TGFBR1: variants seen among roughly 807,000 people sequenced by gnomAD.
TGFBR1 encodes TGF-beta receptor type-1.
Under a neutral mutation model 55.1 loss-of-function variants are expected in TGFBR1, and 20 were observed. The observed-to-expected ratio is 0.36, with a 90% CI of 0.26 to 0.53. The LOEUF (loss-of-function observed/expected upper bound fraction) is 0.53. Among genes scored for constraint, TGFBR1 ranks in the 20% least tolerant of loss-of-function variants. The pLI, the probability that TGFBR1 is intolerant of heterozygous loss-of-function variation, is 0.91. For missense variants in TGFBR1, 385 were observed against 617.6 expected, an observed-to-expected ratio of 0.62 and a Z score of 3.99; for synonymous variants, 220 against 214.8, an observed-to-expected ratio of 1.02 and a Z score of -0.21.
chr9:99,149,852 G>A lies in TGFBR1; in HGVS notation c.*547G>A, dbSNP rs1377147643. ...TAAAAATGACCTCATATAGTAGTGA[G>A]GAACATAATTCATGCAATTGTATTT... On this transcript the variant is annotated 3_prime_UTR_variant, in exon 9 of 9. Coordinates refer to ENST00000374994, the MANE Select transcript of TGFBR1 (RefSeq NM_004612.4). 4.6e-6 allele frequency: 1 copy of A among 217,684 alleles called. No homozygotes were observed. The allele number at this position is 217,684 out of a possible 1,614,324, so 13.5% of individuals were successfully genotyped here. A position where few individuals can be genotyped will look rare whatever the true frequency, so the allele number is the denominator to read the frequency against.
chr9:99,129,920 A>G (rs1049993128), intron 2 of TGFBR1, among the ~76,000 whole-genome samples: 3 of 152,118 alleles, frequency 2.0e-5, no homozygotes, highest in Non-Finnish European at 4.4e-5. Flanking sequence ...TAATAAATAA[A>G]TAAATAAAAT....
rs1827955089 is a variant in TGFBR1 at position 99,150,572 on chromosome 9, CCT to C, written c.*1270_*1271del. ...ATGTAGGAGTAAACGTTCGGTGGATCCTCTGTCTTTGTAACTGAGGTTAGAGC... is the reference window on the plus strand; with the variant it reads ...ATGTAGGAGTAAACGTTCGGTGGATCCTGTCTTTGTAACTGAGGTTAGAGC... On this transcript the variant is annotated 3_prime_UTR_variant, in exon 9 of 9. Coordinates refer to ENST00000374994, the MANE Select transcript of TGFBR1 (RefSeq NM_004612.4). 4.6e-6 allele frequency: 1 copy of C among 216,074 alleles called. No individual in the cohort carries two copies. The highest frequency in any genetic ancestry group is 1.9e-4 in the South Asian group (1 of 5,394). The allele number at this position is 216,074 out of a possible 1,614,324, so 13.4% of individuals were successfully genotyped here.
intron 1 of TGFBR1, among the ~76,000 whole-genome samples, chr9:99,108,876 C>T (rs188950783): frequency 1.3e-5 from 2 of 152,234 alleles, no homozygotes; most frequent in Admixed American, 1.3e-4. Flanking sequence ...TTATGGGATG[C>T]CCAGTAGGAC....
At chr9:99,109,423 C>G (rs200161804) in intron 1 of TGFBR1, among the ~76,000 whole-genome samples, 1 of 152,116 alleles carries the variant, frequency 6.6e-6, no homozygotes, top group Admixed American at 6.5e-5. Context: ...TAAAAATAAT[C>G]AAGAGGAAGA....
At position 99,153,856 on chromosome 9, in the gene TGFBR1, C is replaced by A; in HGVS notation, c.*4551C>A. 4.7e-6 allele frequency: 1 copy of A among 211,994 alleles called. No individual in the cohort carries two copies. Among genetic ancestry groups the A allele is most frequent in the Non-Finnish European group, 9.6e-6 (1 of 104,438 alleles). The allele number at this position is 211,994 out of a possible 1,614,324, so 13.1% of individuals were successfully genotyped here. ...GTCTCTGTGCCTGGGGGCTTTTCTC[C>A]ACATGCTTAGGGGTGTGGGTCTTCC... is the stretch of plus-strand genomic sequence containing the variant. On this transcript the variant is annotated 3_prime_UTR_variant, in exon 9 of 9. Coordinates refer to ENST00000374994, the MANE Select transcript of TGFBR1 (RefSeq NM_004612.4).
intron 4 of TGFBR1, 51 bp downstream of exon 4, chr9:99,138,140 G>A: frequency 6.6e-7 from 1 of 1,506,514 alleles, no homozygotes; most frequent in Non-Finnish European, 9.2e-7. Context: ...ATCTCTTTAA[G>A]TCTTTACAGA....
intron 3 of TGFBR1, among the ~76,000 whole-genome samples, chr9:99,137,431 G>A (rs1039516976): frequency 2.0e-5 from 3 of 152,134 alleles, no homozygotes; most frequent in Admixed American, 2.0e-4. Context: ...TTTGAGCTTG[G>A]TATTCAGTAC....
chr9:99,139,963 GTAGT>G (rs1364362166), intron 4 of TGFBR1, among the ~76,000 whole-genome samples: 1 of 152,174 alleles, frequency 6.6e-6, no homozygotes, highest in Non-Finnish European at 1.5e-5. Context: ...CTGAAAACTG[GTAGT>G]TAGATTTAGA....
rs1485737041 is a variant in TGFBR1 at position 99,151,184 on chromosome 9, G to A, written c.*1879G>A. 3 of 230,280 alleles carry A rather than the reference G, an allele frequency of 1.3e-5. No homozygotes were observed. Among genetic ancestry groups the A allele is most frequent in the Non-Finnish European group, 2.6e-5 (3 of 116,314 alleles). 14.3% of individuals were successfully genotyped at this position (230,280 alleles called of 1,614,324 possible). A position where few individuals can be genotyped will look rare whatever the true frequency, so the allele number is the denominator to read the frequency against. On this transcript the variant is annotated 3_prime_UTR_variant, in exon 9 of 9. Coordinates refer to ENST00000374994, the MANE Select transcript of TGFBR1 (RefSeq NM_004612.4). ...GTGACATATTACATAGGAATTTAGT[G>A]TCAATTTCATGTGTTTAAAAACATC...
Position 99,149,189 on chromosome 9 carries a change from G to A in TGFBR1, c.1396G>A (p.Val466Ile), listed in dbSNP as rs1827898231. The change falls in exon 9 of 9, where the codon GTA (valine) becomes ATA (isoleucine). Residue 466 changes from valine to isoleucine, a missense_variant. Val to Ile is a conservative substitution (Grantham distance 29). Transcript: ENST00000374994. Reference protein sequence around the residue: ...NRWQSCEALRVMAKIMRECWY... With the variant: ...NRWQSCEALRIMAKIMRECWY... Reference sequence around the variant, plus strand: ...TTATATTTTCTTGTAGGCCTTGAGAGTAATGGCTAAAATTATGAGAGAATG... The same window carrying A: ...TTATATTTTCTTGTAGGCCTTGAGAATAATGGCTAAAATTATGAGAGAATG... 5.0e-6 allele frequency: 8 copies of A among 1,610,498 alleles called. No individual in the cohort carries two copies. The highest frequency in any genetic ancestry group is 2.2e-5 in the East Asian group (1 of 44,728).
upstream of TGFBR1, among the ~76,000 whole-genome samples, chr9:99,104,471 G>C (rs1826340623): frequency 6.6e-6 from 1 of 152,118 alleles, no homozygotes; most frequent in Admixed American, 6.5e-5. Flanking sequence ...GGAACTGGGT[G>C]GGGGAGCTGG....
chr9:99,144,370 A>G (rs1827724400), intron 5 of TGFBR1, among the ~76,000 whole-genome samples: 1 of 152,202 alleles, frequency 6.6e-6, no homozygotes, highest in African/African-American at 2.4e-5. Context: ...TGCAGTTGAT[A>G]GGGAAGTGAT....
intron 1 of TGFBR1, among the ~76,000 whole-genome samples, chr9:99,106,808 T>G (rs1436281797): frequency 6.6e-6 from 1 of 152,264 alleles, no homozygotes; most frequent in Non-Finnish European, 1.5e-5. Context: ...GATTCTGTCC[T>G]CATGATTTGA....
At chr9:99,126,490 C>A (rs1331062118) in intron 1 of TGFBR1, among the ~76,000 whole-genome samples, 1 of 152,070 alleles carries the variant, frequency 6.6e-6, no homozygotes, top group Admixed American at 6.6e-5. Context: ...AAAAGTAATG[C>A]TTAGAAAACA....
chr9:99,136,553 A>G (rs1162427228), intron 3 of TGFBR1, among the ~76,000 whole-genome samples: 2 of 152,208 alleles, frequency 1.3e-5, no homozygotes, highest in Admixed American at 6.5e-5. Flanking sequence ...AAAGAGCTCT[A>G]TGATTTAAAT....
At chr9:99,112,339 C>T (rs748505393) in intron 1 of TGFBR1, among the ~76,000 whole-genome samples, 18 of 152,184 alleles carry the variant, frequency 1.2e-4, no homozygotes, top group Non-Finnish European at 2.4e-4. Flanking sequence ...CTTCCTCCCT[C>T]ACCTCCTGCA....
intron 3 of TGFBR1, 66 bp from the exon 4 acceptor site, chr9:99,137,793 C>G: frequency 7.4e-7 from 1 of 1,344,880 alleles, no homozygotes; most frequent in Non-Finnish European, 1.1e-6. Context: ...TCATTAGTGC[C>G]TATCATGATG....
chr9:99,114,911 A>G (rs779367070), intron 1 of TGFBR1, among the ~76,000 whole-genome samples: 16 of 152,106 alleles, frequency 1.1e-4, no homozygotes, highest in Non-Finnish European at 2.1e-4. Flanking sequence ...ATTTCTGAGT[A>G]ATGGACGTTC....
intron 1 of TGFBR1, among the ~76,000 whole-genome samples, chr9:99,113,048 G>A (rs376911140): frequency 3.3e-5 from 5 of 152,244 alleles, no homozygotes; most frequent in African/African-American, 1.2e-4. Flanking sequence ...GTCCTGGTCC[G>A]TTTGCTGGGA....
Sources: gnomAD v4.1 joint callset for allele counts (sites outside exome capture counted in the v4.1 genomes callset) on GRCh38, gnomAD v4.1.1 for gene constraint, MANE v1.5 for transcripts, NCBI Gene and HGNC (gene_info 2026-07-23, HGNC 2026-07-21) for gene names.